Variants in SIK2 observed in about 807,000 individuals in gnomAD.
The protein encoded by SIK2 is salt inducible kinase 2.
SIK2 carries 29 observed loss-of-function variants against 103.2 expected under a neutral mutation model. That is an observed-to-expected ratio of 0.28 (90% CI 0.21 to 0.38). The LOEUF (loss-of-function observed/expected upper bound fraction) is 0.38, where lower values mean the gene tolerates loss of function less well. SIK2 is among the 10% of genes least tolerant of loss of function. SIK2 has a pLI of 1.00. For synonymous variants in SIK2, 412 were observed against 446.1 expected (o/e 0.92, Z 0.96); for missense variants, 879 against 1,171.0 (o/e 0.75, Z 3.64).
intron 3 of SIK2, among the ~76,000 whole-genome samples, chr11:111,687,514 CAAA>C (rs35674513): frequency 8.0e-6 from 1 of 125,120 alleles, no homozygotes; most frequent in Non-Finnish European, 1.6e-5. Context: ...GACTCCATCT[CAAA>C]AAAAAAAAAA....
At chr11:111,623,856 A>C (rs550283187) in intron 3 of SIK2, among the ~76,000 whole-genome samples, 4 of 151,744 alleles carry the variant, frequency 2.6e-5, no homozygotes, top group Non-Finnish European at 4.4e-5. Flanking sequence ...CTTATCTGGG[A>C]CTCTCAGCAT....
At chr11:111,622,613 A>G (rs1169154167) in intron 3 of SIK2, among the ~76,000 whole-genome samples, 3 of 152,178 alleles carry the variant, frequency 2.0e-5, no homozygotes, top group Admixed American at 6.5e-5. Flanking sequence ...GAAATATTTC[A>G]GCTTTTATAT....
chr11:111,689,342 G>A (rs536419361), intron 4 of SIK2, among the ~76,000 whole-genome samples: 4 of 152,302 alleles, frequency 2.6e-5, no homozygotes, highest in Non-Finnish European at 4.4e-5. Flanking sequence ...AGATTTGCAT[G>A]TCAGAAATAT....
At position 111,728,652 on chromosome 11, in the gene SIK2, G is replaced by A. The variant is rs1209406691; in HGVS notation, c.*4523G>A. 1 of 151,802 alleles carries A rather than the reference G, an allele frequency of 6.6e-6. No individual in the cohort carries two copies. The highest frequency in any genetic ancestry group is 1.5e-5 in the Non-Finnish European group (1 of 68,038). The allele number at this position is 151,802 out of a possible 1,614,324, so 9.4% of individuals were successfully genotyped here. A position where few individuals can be genotyped will look rare whatever the true frequency, so the allele number is the denominator to read the frequency against. On this transcript the variant is annotated 3_prime_UTR_variant, in exon 15 of 15. Coordinates refer to ENST00000304987, the MANE Select transcript of SIK2 (RefSeq NM_015191.3). ...TGAAAGACAAGAGCAGTATCAGCCG[G>A]GCGCGGTGGCTCACGCCTGTAATCC...
At position 111,720,946 on chromosome 11, in the gene SIK2, G is replaced by A; in HGVS notation, c.1828G>A (p.Gly610Arg). 6.2e-7 allele frequency: 1 copy of A among 1,614,118 alleles called. No individual in the cohort carries two copies. Among genetic ancestry groups the A allele is most frequent in the Non-Finnish European group, 8.5e-7 (1 of 1,180,016 alleles). The change falls in exon 12 of 15, where the codon GGA (glycine) becomes AGA (arginine). Residue 610 changes from glycine (G) to arginine (R), a missense_variant. Gly to Arg is a moderately radical substitution (Grantham distance 125, BLOSUM62 -2). Transcript: ENST00000304987. ...QHLQNLARTKGILELNKVQLL... is the reference protein window; with the variant it reads ...QHLQNLARTKRILELNKVQLL... ...TCTTCAGAATCTGGCTAGAACCAAA[G>A]GAATTCTAGAGTTGAACAAAGTGCA...
intron 4 of SIK2, among the ~76,000 whole-genome samples, chr11:111,697,358 C>G (rs1943101164): frequency 6.6e-6 from 1 of 152,190 alleles, no homozygotes. Context: ...AGATGATATG[C>G]TGAGAGCTGG....
chr11:111,724,083 T>A lies in SIK2; in HGVS notation c.2735T>A (p.Leu912Gln), dbSNP rs946554593. ...ELPGLFDCEM[L>Q]DAVDPQHNGY... ...CCTGGACTCTTTGATTGTGAAATGC[T>A]AGACGCTGTGGATCCACAACACAAC... The change falls in exon 15 of 15, where the codon CTA becomes CAA. Residue 912 changes from leucine to glutamine, a missense_variant. Coordinates refer to ENST00000304987, the MANE Select transcript of SIK2 (RefSeq NM_015191.3). 6.2e-7 allele frequency: 1 copy of A among 1,613,348 alleles called. No individual in the cohort carries two copies. The highest frequency in any genetic ancestry group is 1.3e-5 in the African/African-American group (1 of 74,940).
chr11:111,652,572 A>C (rs1942341096), intron 3 of SIK2, among the ~76,000 whole-genome samples: 1 of 152,236 alleles, frequency 6.6e-6, no homozygotes, highest in Admixed American at 6.5e-5. Flanking sequence ...CATCTAATTA[A>C]TATAAGTTCT....
chr11:111,695,447 G>A (rs12288456), intron 4 of SIK2, among the ~76,000 whole-genome samples: 7,149 of 152,080 alleles, frequency 0.047, 554 homozygotes, highest in African/African-American at 0.16. Flanking sequence ...TTAACCTAAC[G>A]ATTTTCTTAT....
intron 8 of SIK2, among the ~76,000 whole-genome samples, chr11:111,706,511 T>A (rs1007693347): frequency 6.6e-6 from 1 of 152,072 alleles, no homozygotes; most frequent in Non-Finnish European, 1.5e-5. Flanking sequence ...GGCAGGAGAG[T>A]TTTGACTTTG....
At chr11:111,624,223 A>T (rs491937) in intron 3 of SIK2, among the ~76,000 whole-genome samples, 93,970 of 152,144 alleles carry the variant, frequency 0.62, 31,556 homozygotes, top group East Asian at 0.96. Flanking sequence ...TATTTGCAGT[A>T]GGATTCTAAA....
intron 4 of SIK2, among the ~76,000 whole-genome samples, chr11:111,690,975 A>G (rs1942930908): frequency 6.6e-6 from 1 of 152,152 alleles, no homozygotes; most frequent in Non-Finnish European, 1.5e-5. Context: ...TAGGTGTGTA[A>G]ATCATATGCT....
At chr11:111,665,731 C>T (rs1942530456) in intron 3 of SIK2, among the ~76,000 whole-genome samples, 1 of 151,614 alleles carries the variant, frequency 6.6e-6, no homozygotes, top group South Asian at 2.1e-4. Flanking sequence ...GAGGCTGAGG[C>T]AGGAGAATCA....
chr11:111,646,498 A>G, intron 3 of SIK2, among the ~76,000 whole-genome samples: 1 of 152,192 alleles, frequency 6.6e-6, no homozygotes, highest in South Asian at 2.1e-4. Context: ...CACTTATGGC[A>G]TATGTATTAA....
chr11:111,720,452 T>A (rs1261873940), intron 10 of SIK2, 26 bp from the exon 11 acceptor site: 1 of 1,566,842 alleles, frequency 6.4e-7, no homozygotes, highest in African/African-American at 1.4e-5. Flanking sequence ...TGCTGTTGGT[T>A]TTATCTGTTC....
chr11:111,619,546 T>C (rs1262877276), intron 2 of SIK2, among the ~76,000 whole-genome samples: 4 of 152,208 alleles, frequency 2.6e-5, no homozygotes, highest in Non-Finnish European at 4.4e-5. Context: ...GGTTTTGCCA[T>C]GTTGGCCAGG....
intron 3 of SIK2, among the ~76,000 whole-genome samples, chr11:111,626,885 C>T (rs1384551335): frequency 1.3e-5 from 2 of 152,060 alleles, no homozygotes; most frequent in African/African-American, 2.4e-5. Context: ...CTCCATGCTT[C>T]AGAGCTGTTT....
At chr11:111,682,613 TTA>T (rs1393724366) in intron 3 of SIK2, among the ~76,000 whole-genome samples, 2 of 152,250 alleles carry the variant, frequency 1.3e-5, no homozygotes, top group African/African-American at 4.8e-5. Context: ...AAAAATTGCT[TTA>T]TGTTACATGA....
At chr11:111,641,359 T>G (rs1213427834) in intron 3 of SIK2, among the ~76,000 whole-genome samples, 2 of 152,186 alleles carry the variant, frequency 1.3e-5, no homozygotes, top group Non-Finnish European at 2.9e-5. Context: ...GCACATTACC[T>G]TCTTCTCCTC....
Sources: gnomAD v4.1 joint callset for allele counts (sites outside exome capture counted in the v4.1 genomes callset) on GRCh38, gnomAD v4.1.1 for gene constraint, MANE v1.5 for transcripts, NCBI Gene and HGNC (gene_info 2026-07-23, HGNC 2026-07-21) for gene names.